The following ROBO3 variants were observed in gnomAD, a reference collection of about 807,000 sequenced individuals.
The protein encoded by ROBO3 is roundabout homolog 3.
A neutral mutation model predicts 160.5 loss-of-function variants in ROBO3; 97 were observed. The ratio of observed to expected loss-of-function variants is 0.60; its 90% CI spans 0.51 to 0.72. ROBO3 has a LOEUF of 0.72. Among genes scored for constraint, ROBO3 ranks in the 30% least tolerant of loss-of-function variants. The probability of loss-of-function intolerance (pLI) is 0.00; values close to 1 mark genes in which losing one functional copy is unlikely to be tolerated. For missense variants in ROBO3, 1,858 were observed against 1,846.5 expected (o/e 1.01, Z -0.11); for synonymous variants, 780 against 746.2 (o/e 1.05, Z -0.74).
In ROBO3 at chr11:124,881,434, A is replaced by T; in HGVS notation, c.*184A>T. 1 of 618,442 alleles carries T rather than the reference A, an allele frequency of 1.6e-6. No homozygotes were observed. 38.3% of individuals were successfully genotyped at this position (618,442 alleles called of 1,614,324 possible). A position where few individuals can be genotyped will look rare whatever the true frequency, so the allele number is the denominator to read the frequency against. On this transcript the variant is annotated 3_prime_UTR_variant, in exon 28 of 28. Transcript: ENST00000397801. ...CTTTTTCCACCTGAGACTTGTTTAT[A>T]AAAAACAAAACAATAAAAAGAGTCT...
At chr11:124,866,114 G>A (rs1314797994) in intron 1 of ROBO3, among the ~76,000 whole-genome samples, 1 of 152,216 alleles carries the variant, frequency 6.6e-6, no homozygotes, top group East Asian at 1.9e-4. Flanking sequence ...CCTCGGCCAA[G>A]CCAGGTCACT....
intron 27 of ROBO3, 21 bp from the exon 28 acceptor site, chr11:124,881,218 C>T: frequency 1.2e-6 from 2 of 1,602,576 alleles, no homozygotes; most frequent in South Asian, 1.1e-5. Flanking sequence ...TACAAAACAG[C>T]ATCTCTCTCT....
At position 124,870,377 on chromosome 11, in the gene ROBO3, A is replaced by G. The variant is rs948579168; in HGVS notation, c.905+74A>G. 7 of 1,540,506 alleles carry G rather than the reference A, an allele frequency of 4.5e-6. No homozygotes were observed. The South Asian group carries it at 6.1e-5, about 13-fold the overall frequency. ...CTATTCTGCCCTAGAAAACCGGAAG[A>G]CAGGCACATTCTCACTTGAGAACAC... On this transcript the variant is annotated intron_variant, in intron 5 of 27. Transcript: ENST00000397801.
At position 124,875,646 on chromosome 11, in the gene ROBO3, A is replaced by T; in HGVS notation, c.2382A>T (p.Pro794=). Residue 794 remains proline (P), a synonymous_variant, in exon 15 of 28, where the codon CCA becomes CCT. Transcript: ENST00000397801. Reference sequence around the variant, plus strand: ...GTATCACTGTGTCCTGGGAACCTCCACTCCCCTCCCAGCAAAATGGGGTCA... The same window carrying T: ...GTATCACTGTGTCCTGGGAACCTCCTCTCCCCTCCCAGCAAAATGGGGTCA... The part of the protein sequence containing the change: ...NSSITVSWEP[P]LPSQQNGVIT... 1 of 1,609,142 alleles carries T rather than the reference A, an allele frequency of 6.2e-7. No individual in the cohort carries two copies. The highest frequency in any genetic ancestry group is 8.5e-7 in the Non-Finnish European group (1 of 1,178,078).
At chr11:124,880,748 G>GCCCC in intron 27 of ROBO3, 140 bp downstream of exon 27, 3 of 1,109,826 alleles carry the variant, frequency 2.7e-6, no homozygotes, top group Non-Finnish European at 3.7e-6. Flanking sequence ...GGGGGAGGGA[G>GCCCC]GAATCCTGTA....
At position 124,869,131 on chromosome 11, in the gene ROBO3, G is replaced by A. The variant is rs756548048; in HGVS notation, c.487+3G>A. The A allele has an allele frequency of 1.3e-6, 2 of 1,542,644 alleles. No individual in the cohort carries two copies. Among genetic ancestry groups the A allele is most frequent in the African/African-American group, 1.4e-5 (1 of 73,342 alleles). ...AAACGCCTCGCTGGAAGTGGCAGGTGAGAGTCAGTTGACCGTCAGCTGGTT... is the reference window on the plus strand; with the variant it reads ...AAACGCCTCGCTGGAAGTGGCAGGTAAGAGTCAGTTGACCGTCAGCTGGTT... On this transcript the variant is annotated splice_donor_region_variant and intron_variant, in intron 2 of 27. Coordinates refer to ENST00000397801, the MANE Select transcript of ROBO3 (RefSeq NM_022370.4). This position sits in a 1 kb window ranked among gnomAD's most constrained non-coding sequence, Gnocchi z 4.2.
intron 5 of ROBO3, 130 bp from the exon 6 acceptor site, chr11:124,870,471 T>C: frequency 6.7e-7 from 1 of 1,499,128 alleles, no homozygotes. Flanking sequence ...GATGGGTCCA[T>C]GGGTAACCAG....
chr11:124,866,032 G>A (rs1946191888), intron 1 of ROBO3, among the ~76,000 whole-genome samples: 1 of 152,184 alleles, frequency 6.6e-6, no homozygotes, highest in Non-Finnish European at 1.5e-5. Context: ...GTAACGGGCA[G>A]GGAAGTCCGA....
Position 124,869,419 on chromosome 11 carries a change from T to A in ROBO3, c.488-31T>A. ...CAGCCAGTTATGTCACTCTACACCCTGCTTATTTCGCCCCCCACCGCCCCG... is the reference window on the plus strand; with the variant it reads ...CAGCCAGTTATGTCACTCTACACCCAGCTTATTTCGCCCCCCACCGCCCCG... On this transcript the variant is annotated intron_variant, in intron 2 of 27. Transcript: ENST00000397801. The surrounding 1 kb of genome is among the most constrained non-coding windows in gnomAD (Gnocchi z 4.2). 6.7e-7 allele frequency: 1 copy of A among 1,503,720 alleles called. No individual in the cohort carries two copies. Among genetic ancestry groups the A allele is most frequent in the Non-Finnish European group, 9.0e-7 (1 of 1,107,028 alleles). The allele number at this position is 1,503,720 out of a possible 1,614,324, so 93.1% of individuals were successfully genotyped here.
intron 17 of ROBO3, 23 bp from the exon 18 acceptor site, chr11:124,877,138 T>C: frequency 6.2e-7 from 1 of 1,613,558 alleles, no homozygotes; most frequent in Non-Finnish European, 8.5e-7. Flanking sequence ...CTCTTCTTTC[T>C]CCCACGGGTT....
At chr11:124,870,847 C>A in intron 6 of ROBO3, 119 bp downstream of exon 6, 1 of 1,525,964 alleles carries the variant, frequency 6.6e-7, no homozygotes, top group South Asian at 1.2e-5. Flanking sequence ...ACACCTGAGA[C>A]TTCTGCAAGG....
Position 124,874,828 on chromosome 11 carries a change from C to A in ROBO3, c.1992C>A (p.Gly664=). 6.2e-7 allele frequency: 1 copy of A among 1,604,876 alleles called. No individual in the cohort carries two copies. Among genetic ancestry groups the A allele is most frequent in the Non-Finnish European group, 8.5e-7 (1 of 1,175,836 alleles). The change falls in exon 13 of 28, where the codon GGC becomes GGA. Residue 664 remains glycine, a synonymous_variant. Transcript: ENST00000397801. ...PSRPVEDPWR[G]QQGLAEVAVR... ...GGCCAGTGGAGGACCCATGGAGAGG[C>A]CAGCAGGGACTGGCGGAAGTGGCTG...
chr11:124,880,086 TCTCTAA>T, intron 26 of ROBO3, 138 bp downstream of exon 26: 1 of 909,312 alleles, frequency 1.1e-6, no homozygotes, highest in Non-Finnish European at 1.6e-6. Flanking sequence ...CTCCCCTGTC[TCTCTAA>T]CTCTCTGAGC....
At chr11:124,871,593 C>G (rs12277811) in intron 7 of ROBO3, among the ~76,000 whole-genome samples, 15,245 of 152,226 alleles carry the variant, frequency 0.1, 1,529 homozygotes, top group African/African-American at 0.26. Context: ...GGAGAGCTCA[C>G]AGTCATCCCT....
Position 124,865,557 on chromosome 11 carries a change from C to G in ROBO3, c.-21C>G, listed in dbSNP as rs758385638. The G allele has an allele frequency of 6.2e-6, 10 of 1,608,456 alleles. No individual in the cohort carries two copies. The highest frequency in any genetic ancestry group is 7.6e-6 in the Non-Finnish European group (9 of 1,179,118). On this transcript the variant is annotated 5_prime_UTR_variant, in exon 1 of 28. Coordinates refer to ENST00000397801, the MANE Select transcript of ROBO3 (RefSeq NM_022370.4). The surrounding 1 kb of genome is among the most constrained non-coding windows in gnomAD (Gnocchi z 5.5). ...GGGCTGGGCCCCCAGCCCCCAGTCC[C>G]GATCCCAGCTGGGTCGAGCCATGCT...
rs1380147918 is a variant in ROBO3, at chr11:124,869,430, C to T, written c.488-20C>T. 8 of 1,229,904 alleles carry T rather than the reference C, an allele frequency of 6.5e-6. No individual in the cohort carries two copies. The highest frequency in any genetic ancestry group is 7.8e-6 in the Non-Finnish European group (7 of 899,158). 76.2% of individuals were successfully genotyped at this position (1,229,904 alleles called of 1,614,324 possible). On this transcript the variant is annotated intron_variant, in intron 2 of 27. Coordinates refer to ENST00000397801, the MANE Select transcript of ROBO3 (RefSeq NM_022370.4). This position sits in a 1 kb window ranked among gnomAD's most constrained non-coding sequence, Gnocchi z 4.2. Reference sequence around the variant, plus strand: ...GTCACTCTACACCCTGCTTATTTCGCCCCCCACCGCCCCGCCCAGTCCTCC... The same window carrying T: ...GTCACTCTACACCCTGCTTATTTCGTCCCCCACCGCCCCGCCCAGTCCTCC...
At position 124,869,753 on chromosome 11, in the gene ROBO3, G is replaced by A. The variant is rs1350559653; in HGVS notation, c.645+146G>A. ...GTGAGGGATAAGGAAGACGGAATTG[G>A]TATAAAAAAGGGGCGGGGGCATGAT... is the stretch of plus-strand genomic sequence containing the variant. On this transcript the variant is annotated intron_variant, in intron 3 of 27. Transcript: ENST00000397801. The surrounding 1 kb of genome is among the most constrained non-coding windows in gnomAD (Gnocchi z 4.2). The A allele has an allele frequency of 3.2e-6, 4 of 1,257,370 alleles. No individual in the cohort carries two copies. In the South Asian group the frequency reaches 4.5e-5, roughly 14 times the overall value. The allele number at this position is 1,257,370 out of a possible 1,614,324, so 77.9% of individuals were successfully genotyped here.
At chr11:124,880,012 G>A (rs1946532664) in intron 26 of ROBO3, 64 bp downstream of exon 26, 1 of 1,448,892 alleles carries the variant, frequency 6.9e-7, no homozygotes, top group African/African-American at 1.4e-5. Flanking sequence ...TTGGGACTGG[G>A]GGCTGATAGT....
At chr11:124,879,001 T>C (rs1946482917) in intron 23 of ROBO3, 189 bp from the exon 24 acceptor site, 1 of 764,332 alleles carries the variant, frequency 1.3e-6, no homozygotes. Flanking sequence ...CTTGCTGGAG[T>C]GGTCAGCACT....
Sources: gnomAD v4.1 joint callset for allele counts (sites outside exome capture counted in the v4.1 genomes callset) on GRCh38, gnomAD v4.1.1 for gene constraint, Gnocchi (gnomAD v3.1) non-coding constraint, MANE v1.5 for transcripts, NCBI Gene and HGNC (gene_info 2026-07-23, HGNC 2026-07-21) for gene names.